CDH18: variants seen among roughly 807,000 people sequenced by gnomAD.
CDH18 encodes the protein cadherin-18.
In CDH18, 31 loss-of-function variants were observed where a neutral mutation model predicts 67.9. The observed-to-expected ratio is 0.46, with a 90% CI of 0.34 to 0.62. CDH18 has a LOEUF of 0.62. CDH18 is among the 20% of genes least tolerant of loss of function. The pLI is 0.01. For missense variants in CDH18, 890 were observed against 975.5 expected, an observed-to-expected ratio of 0.91 and a Z score of 1.17; for synonymous variants, 362 against 347.2, an observed-to-expected ratio of 1.04 and a Z score of -0.48.
intron 11 of CDH18, chr5:19,502,772 CT>C: frequency 1.8e-6 from 1 of 547,464 alleles, no homozygotes; most frequent in Non-Finnish European, 3.2e-6. Flanking sequence ...ATGTACATTT[CT>C]TGTTTAAAGA....
At chr5:19,778,746 T>TA (rs531000661) in intron 3 of CDH18, among the ~76,000 whole-genome samples, 3 of 151,632 alleles carry the variant, frequency 2.0e-5, no homozygotes, top group African/African-American at 7.3e-5. Flanking sequence ...AAAACCATAA[T>TA]AAAAAAAAAT....
intron 1 of CDH18, among the ~76,000 whole-genome samples, chr5:20,407,722 A>AT (rs76065305): frequency 1.3e-4 from 20 of 149,536 alleles, no homozygotes; most frequent in Admixed American, 8.6e-4. Context: ...AAAAAAAATA[A>AT]TTTTTTTTTT....
At position 20,486,998 on chromosome 5, in the gene CDH18, G is replaced by T. The variant is rs773823113; in HGVS notation, c.-580+88464C>A. On this transcript the variant is annotated intron_variant, in intron 1 of 14. Transcript: ENST00000507958. ...TGTGGCCTAGGGATAGGTTACAGCT[G>T]ACAGGAGCATCTGCAGAGCCAGGAC... Among the ~76,000 whole-genome samples the T allele has an allele frequency of 3.7e-4, 57 of 152,170 alleles. 1 individual carries two copies. The highest frequency in any genetic ancestry group is 5.7e-4 in the Non-Finnish European group (39 of 68,040).
At chr5:20,236,346 T>G (rs1381278734) in intron 2 of CDH18, among the ~76,000 whole-genome samples, 1 of 151,572 alleles carries the variant, frequency 6.6e-6, no homozygotes, top group Non-Finnish European at 1.5e-5. Context: ...GAAATACAAC[T>G]AATGTTTCTT....
intron 8 of CDH18, among the ~76,000 whole-genome samples, chr5:19,559,921 CA>C (rs371611637): frequency 1.5e-5 from 2 of 131,612 alleles, no homozygotes; most frequent in Admixed American, 7.5e-5. Context: ...GTTGCAAAAA[CA>C]AACAAAAAAA....
At chr5:20,070,768 C>A (rs1743414115) in intron 2 of CDH18, among the ~76,000 whole-genome samples, 1 of 152,066 alleles carries the variant, frequency 6.6e-6, no homozygotes, top group African/African-American at 2.4e-5. Context: ...TTCATTTACT[C>A]CTAGATAAAC....
intron 2 of CDH18, among the ~76,000 whole-genome samples, chr5:20,105,242 C>T (rs1009886821): frequency 1.3e-5 from 2 of 152,120 alleles, no homozygotes; most frequent in Admixed American, 1.3e-4. Flanking sequence ...CTGCCTAGGC[C>T]TCCCAAAGTG....
At chr5:19,761,503 G>A (rs886996965) in intron 3 of CDH18, among the ~76,000 whole-genome samples, 2 of 152,034 alleles carry the variant, frequency 1.3e-5, no homozygotes, top group Non-Finnish European at 2.9e-5. Flanking sequence ...CATACTATTA[G>A]AAGTAGAGTC....
intron 1 of CDH18, among the ~76,000 whole-genome samples, chr5:20,469,294 G>A (rs2471152): frequency 0.66 from 99,900 of 152,084 alleles, 33,502 homozygotes; most frequent in Non-Finnish European, 0.74. Flanking sequence ...TATTCTGTTC[G>A]TATTTTTGTG....
chr5:19,580,207 G>C (rs1449049472), intron 7 of CDH18, among the ~76,000 whole-genome samples: 1 of 151,576 alleles, frequency 6.6e-6, no homozygotes, highest in Non-Finnish European at 1.5e-5. Context: ...AAATCCTTTG[G>C]CTGAATTTAT....
intron 11 of CDH18, among the ~76,000 whole-genome samples, chr5:19,484,681 T>C (rs926237969): frequency 6.6e-6 from 1 of 152,208 alleles, no homozygotes; most frequent in Non-Finnish European, 1.5e-5. Context: ...CTGACAATAC[T>C]GATGGACAAC....
chr5:19,862,834 G>C (rs1012106493), intron 2 of CDH18, among the ~76,000 whole-genome samples: 3 of 151,918 alleles, frequency 2.0e-5, no homozygotes, highest in Non-Finnish European at 4.4e-5. Flanking sequence ...CAGGTATGGT[G>C]AGATCAATAG....
At position 19,628,064 on chromosome 5, in the gene CDH18, G is replaced by A. The variant is rs548169343; in HGVS notation, c.644-15463C>T. On this transcript the variant is annotated intron_variant, in intron 5 of 12. Coordinates refer to ENST00000382275, the MANE Select transcript of CDH18 (RefSeq NM_004934.5). ...GAACTGTAGCTCCCATAATTCCCAC[G>A]TGTTGTGGGAGGGACCTGGTGGGAG... 4.6e-4 allele frequency among the ~76,000 whole-genome samples: 70 copies of A among 152,252 alleles called. No homozygotes were observed. In the East Asian group the frequency reaches 5.6e-3, roughly 12 times the overall value.
At chr5:20,178,269 T>C (rs938939653) in intron 2 of CDH18, among the ~76,000 whole-genome samples, 1 of 152,068 alleles carries the variant, frequency 6.6e-6, no homozygotes, top group African/African-American at 2.4e-5. Flanking sequence ...ACTGCAGACT[T>C]TGGGACTTCT....
chr5:19,883,332 G>A (rs1391198181), intron 2 of CDH18, among the ~76,000 whole-genome samples: 1 of 152,094 alleles, frequency 6.6e-6, no homozygotes, highest in Non-Finnish European at 1.5e-5. Context: ...GATACCGTTA[G>A]AGTAGCACTC....
intron 3 of CDH18, among the ~76,000 whole-genome samples, chr5:19,751,946 C>G (rs924802340): frequency 6.6e-6 from 1 of 152,134 alleles, no homozygotes; most frequent in Non-Finnish European, 1.5e-5. Flanking sequence ...AGAGTACTCG[C>G]AGACCCTCTG....
At chr5:19,692,795 G>A (rs1441176637) in intron 5 of CDH18, among the ~76,000 whole-genome samples, 1 of 151,608 alleles carries the variant, frequency 6.6e-6, no homozygotes, top group Non-Finnish European at 1.5e-5. Context: ...ATGTAAATGA[G>A]TAGATTCATT....
chr5:19,887,088 T>A (rs566049656), intron 2 of CDH18, among the ~76,000 whole-genome samples: 19 of 152,134 alleles, frequency 1.2e-4, no homozygotes, highest in Non-Finnish European at 1.9e-4. Context: ...CACATGTATA[T>A]GCATTATTTA....
rs574047720 is a variant in CDH18 at position 19,672,843 on chromosome 5, T to C, written c.643+48504A>G. On this transcript the variant is annotated intron_variant, in intron 5 of 12. Transcript: ENST00000382275. The stretch of plus-strand genomic sequence containing the variant: ...TGTCAATAATAATATTTGATGATAG[T>C]GTTTGTTTTCCATCTCTTGGTCAGA... 2.6e-5 allele frequency among the ~76,000 whole-genome samples: 4 copies of C among 152,138 alleles called. No homozygotes were observed. The East Asian group carries it at 5.8e-4, about 22-fold the overall frequency.
Sources: allele counts gnomAD v4.1 joint callset (sites outside exome capture counted in the v4.1 genomes callset), GRCh38; gene constraint gnomAD v4.1.1; transcripts MANE v1.5; gene names NCBI Gene and HGNC (gene_info 2026-07-23, HGNC 2026-07-21).